PKNOX2: variants seen among roughly 807,000 people sequenced by gnomAD.
PKNOX2 encodes the protein homeobox protein PKNOX2.
Under a neutral mutation model 53.1 loss-of-function variants are expected in PKNOX2, and 14 were observed. The observed-to-expected ratio is 0.26, with a 90% CI of 0.17 to 0.41. The LOEUF (loss-of-function observed/expected upper bound fraction) is 0.41, where lower values mean the gene tolerates loss of function less well. PKNOX2 is among the 10% of genes least tolerant of loss of function. The pLI is 1.00. For synonymous variants in PKNOX2, 257 were observed against 242.8 expected (o/e 1.06, Z -0.54); for missense variants, 496 against 602.8 (o/e 0.82, Z 1.85).
intron 3 of PKNOX2, among the ~76,000 whole-genome samples, chr11:125,345,157 TGAAGAG>T (rs1192481516): frequency 1.3e-5 from 2 of 152,086 alleles, no homozygotes; most frequent in African/African-American, 4.8e-5. Flanking sequence ...GTCCCTGGGG[TGAAGAG>T]GCAGGCGAGG....
In PKNOX2 at chr11:125,405,895, G is replaced by A. The variant is rs371271116; in HGVS notation, c.589-4301G>A. 2.3e-4 allele frequency among the ~76,000 whole-genome samples: 35 copies of A among 152,304 alleles called. No individual in the cohort carries two copies. In the South Asian group the frequency reaches 2.5e-3, roughly 11 times the overall value. ...GTTTCCAGAGGCTTGGGGACACCAC[G>A]GCTGTCTTCCTAGTGGAACAAAACG... On this transcript the variant is annotated intron_variant, in intron 7 of 12. Coordinates refer to ENST00000298282, the MANE Select transcript of PKNOX2 (RefSeq NM_001382323.2).
At chr11:125,412,181 A>T (rs1955600297) in intron 10 of PKNOX2, among the ~76,000 whole-genome samples, 1 of 152,178 alleles carries the variant, frequency 6.6e-6, no homozygotes, top group Non-Finnish European at 1.5e-5. Context: ...GAACAGAGAG[A>T]GGGTCACTGC....
chr11:125,366,761 G>C (rs1004035435), intron 4 of PKNOX2, among the ~76,000 whole-genome samples: 1 of 152,322 alleles, frequency 6.6e-6, no homozygotes, highest in Admixed American at 6.5e-5. Flanking sequence ...AGAAAGCAGG[G>C]ACCTAGATTC....
At chr11:125,410,548 G>A (rs1955444267) in intron 8 of PKNOX2, 2 of 694,476 alleles carry the variant, frequency 2.9e-6, no homozygotes, top group Non-Finnish European at 4.7e-6. Context: ...CCCCTGAGAG[G>A]ACCAAGTAAG....
At chr11:125,380,973 C>T (rs1953183518) in intron 5 of PKNOX2, among the ~76,000 whole-genome samples, 1 of 152,190 alleles carries the variant, frequency 6.6e-6, no homozygotes, top group South Asian at 2.1e-4. Flanking sequence ...GGAGGTGACT[C>T]TCCCATAACT....
chr11:125,173,455 A>G (rs1350003253), intron 1 of PKNOX2, among the ~76,000 whole-genome samples: 1 of 152,106 alleles, frequency 6.6e-6, no homozygotes, highest in Admixed American at 6.5e-5. Flanking sequence ...TTCTTCCTTT[A>G]GCCTTCTGGA....
chr11:125,409,892 G>A (rs1955396039), intron 7 of PKNOX2: 2 of 248,380 alleles, frequency 8.1e-6, no homozygotes, highest in Non-Finnish European at 1.5e-5. Context: ...CATCATTACT[G>A]GAGATTTCAA....
intron 1 of PKNOX2, among the ~76,000 whole-genome samples, chr11:125,183,742 TTTTTTTCAGAGAGAATA>T (rs1224339917): frequency 1.8e-5 from 1 of 54,252 alleles, no homozygotes; most frequent in Non-Finnish European, 4.6e-5. Flanking sequence ...AAAGAGATGA[TTTTTTTCAGAGAGAATA>T]TTTTTCTGGA....
intron 2 of PKNOX2, among the ~76,000 whole-genome samples, chr11:125,246,040 C>A (rs377599501): frequency 6.6e-6 from 1 of 152,172 alleles, no homozygotes; most frequent in Non-Finnish European, 1.5e-5. Flanking sequence ...AGAACCTCAC[C>A]AATTCCTGGG....
chr11:125,393,508 G>GCAGC (rs1954206730), intron 6 of PKNOX2, among the ~76,000 whole-genome samples: 1 of 152,174 alleles, frequency 6.6e-6, no homozygotes, highest in South Asian at 2.1e-4. Context: ...TTTGGACTGT[G>GCAGC]CAGCCACCTA....
chr11:125,348,058 C>A (rs929950233), intron 3 of PKNOX2, among the ~76,000 whole-genome samples: 2 of 152,158 alleles, frequency 1.3e-5, no homozygotes, highest in African/African-American at 4.8e-5. Flanking sequence ...CTGCTCCCCT[C>A]CCTCTCCCAA....
chr11:125,312,803 G>A (rs1356882533), intron 2 of PKNOX2, among the ~76,000 whole-genome samples: 4 of 152,314 alleles, frequency 2.6e-5, no homozygotes, highest in East Asian at 3.9e-4. Context: ...ATTACTGTCC[G>A]CCAGAGGGGC....
intron 3 of PKNOX2, 97 bp from the exon 4 acceptor site, chr11:125,351,187 C>A (rs1740183934): frequency 2.8e-6 from 2 of 720,016 alleles, no homozygotes; most frequent in Non-Finnish European, 5.2e-6. Flanking sequence ...TCCAGCCGGC[C>A]CAGGTGGCCC....
At chr11:125,424,612 G>A (rs567368880) in intron 10 of PKNOX2, among the ~76,000 whole-genome samples, 5 of 152,266 alleles carry the variant, frequency 3.3e-5, no homozygotes, top group African/African-American at 9.6e-5. Flanking sequence ...AAACCTAATG[G>A]AAGCTCGCTG....
At position 125,432,751 on chromosome 11, in the gene PKNOX2, C is replaced by T. The variant is rs1956758919; in HGVS notation, c.*1359C>T. 1 of 152,798 alleles carries T rather than the reference C, an allele frequency of 6.5e-6. No homozygotes were observed. The highest frequency in any genetic ancestry group is 1.5e-5 in the Non-Finnish European group (1 of 68,058). 9.5% of individuals were successfully genotyped at this position (152,798 alleles called of 1,614,324 possible). On this transcript the variant is annotated 3_prime_UTR_variant, in exon 13 of 13. Transcript: ENST00000298282. ...CCTCTCACCCCATGGCTGTGAATGA[C>T]AGGACAGGTCACACGTGTGTTTTCC...
At position 125,410,432 on chromosome 11, in the gene PKNOX2, C is replaced by T. The variant is rs1484073279; in HGVS notation, c.718+107C>T. Reference sequence around the variant, plus strand: ...GGGTTGTCCTCCACCGAGGGAGGGGCTCCCAGCTCAGTTTCTTGACTAAAG... The same window carrying T: ...GGGTTGTCCTCCACCGAGGGAGGGGTTCCCAGCTCAGTTTCTTGACTAAAG... On this transcript the variant is annotated intron_variant, in intron 8 of 12. Coordinates refer to ENST00000298282, the MANE Select transcript of PKNOX2 (RefSeq NM_001382323.2). The T allele has an allele frequency of 1.6e-5, 23 of 1,447,712 alleles. No homozygotes were observed. The East Asian group carries it at 2.4e-4, about 15-fold the overall frequency. The allele number at this position is 1,447,712 out of a possible 1,614,324, so 89.7% of individuals were successfully genotyped here.
intron 2 of PKNOX2, among the ~76,000 whole-genome samples, chr11:125,315,995 G>A (rs991332231): frequency 6.6e-6 from 1 of 152,194 alleles, no homozygotes; most frequent in Middle Eastern, 3.2e-3. Context: ...CCTCAAGGAG[G>A]CTGCGCTGGA....
intron 2 of PKNOX2, among the ~76,000 whole-genome samples, chr11:125,286,134 C>T (rs1016395089): frequency 2.6e-5 from 4 of 152,114 alleles, no homozygotes; most frequent in East Asian, 1.9e-4. Flanking sequence ...GTGCACACTC[C>T]GTTCATGACG....
intron 2 of PKNOX2, among the ~76,000 whole-genome samples, chr11:125,238,247 A>G (rs1371446796): frequency 6.6e-6 from 1 of 152,140 alleles, no homozygotes; most frequent in African/African-American, 2.4e-5. Flanking sequence ...AATGGCTAAC[A>G]CCAAAGGGGA....
Sources: allele counts gnomAD v4.1 joint callset (sites outside exome capture counted in the v4.1 genomes callset), GRCh38; gene constraint gnomAD v4.1.1; transcripts MANE v1.5; gene names NCBI Gene and HGNC (gene_info 2026-07-23, HGNC 2026-07-21).